Variants in INTS1 observed in about 807,000 individuals in gnomAD.
The protein encoded by INTS1 is integrator complex subunit 1.
Under a neutral mutation model 241.6 loss-of-function variants are expected in INTS1, and 137 were observed. That is an observed-to-expected ratio of 0.57 (90% CI 0.49 to 0.65). The LOEUF (loss-of-function observed/expected upper bound fraction) is 0.65. Ranked by LOEUF, INTS1 falls within the 30% of genes least tolerant of loss-of-function variation. The pLI, the probability that INTS1 is intolerant of heterozygous loss-of-function variation, is 0.00. For missense variants in INTS1, 3,073 were observed against 3,032.2 expected, an observed-to-expected ratio of 1.01 and a Z score of -0.32; for synonymous variants, 1,692 against 1,337.8, an observed-to-expected ratio of 1.26 and a Z score of -5.78.
At position 1,498,520 on chromosome 7, in the gene INTS1, G is replaced by A. The variant is rs1435124707; in HGVS notation, c.1317C>T (p.Gly439=). The change falls in exon 10 of 48, where the codon GGC becomes GGT. Residue 439 remains glycine (G), a synonymous_variant. Transcript: ENST00000404767. The part of the protein sequence containing the change: ...ELLSAHKDNL[G]TTIKLVIFNE... ...TGAAGATCACCAACTTGATGGTGGT[G>A]CCCAGGTTGTCCTTGTGCGCGCTCA... The A allele has an allele frequency of 1.2e-6, 2 of 1,613,758 alleles. No individual in the cohort carries two copies. Among genetic ancestry groups the A allele is most frequent in the Admixed American group, 1.7e-5 (1 of 60,000 alleles).
At chr7:1,503,546 G>A (rs1224622876) in intron 2 of INTS1, among the ~76,000 whole-genome samples, 1 of 152,224 alleles carries the variant, frequency 6.6e-6, no homozygotes, top group Non-Finnish European at 1.5e-5. Context: ...CACAGCAGGC[G>A]AGTGGCAAAG....
At position 1,479,676 on chromosome 7, in the gene INTS1, C is replaced by A; in HGVS notation, c.4083G>T (p.Pro1361=). 2 of 1,465,640 alleles carry A rather than the reference C, an allele frequency of 1.4e-6. No individual in the cohort carries two copies. Among genetic ancestry groups the A allele is most frequent in the Non-Finnish European group, 1.8e-6 (2 of 1,107,510 alleles). The allele number at this position is 1,465,640 out of a possible 1,614,324, so 90.8% of individuals were successfully genotyped here. A position where few individuals can be genotyped will look rare whatever the true frequency, so the allele number is the denominator to read the frequency against. The change falls in exon 31 of 48, where the codon CCG becomes CCT. Residue 1361 remains proline (P), a synonymous_variant. Transcript: ENST00000404767. ...DLAGMFLQIF[P]LSPDPRWQSS... ...TCTGCCACCGAGGGTCCGGGCTGAGCGGGAAAATCTGGAACGGGGAAGGCC... is the reference window on the plus strand; with the variant it reads ...TCTGCCACCGAGGGTCCGGGCTGAGAGGGAAAATCTGGAACGGGGAAGGCC...
intron 30 of INTS1, 49 bp from the exon 31 acceptor site, chr7:1,479,733 G>GGA: frequency 7.0e-7 from 1 of 1,433,396 alleles, no homozygotes. Flanking sequence ...AGAAGGAGGA[G>GGA]GAGCGCAGCG....
intron 3 of INTS1, 105 bp downstream of exon 3, chr7:1,502,796 C>G: frequency 7.9e-7 from 1 of 1,267,036 alleles, no homozygotes; most frequent in Non-Finnish European, 1.1e-6. Context: ...CCCAAAGGAC[C>G]TCGGCCATAC....
intron 42 of INTS1, 114 bp downstream of exon 42, chr7:1,473,452 C>A: frequency 1.5e-6 from 2 of 1,334,268 alleles, no homozygotes; most frequent in Non-Finnish European, 2.1e-6. Context: ...GCAGCCCTCC[C>A]CGGCCTCAGG....
At chr7:1,502,828 G>C in intron 3 of INTS1, 73 bp downstream of exon 3, 1 of 1,530,918 alleles carries the variant, frequency 6.5e-7, no homozygotes, top group South Asian at 1.2e-5. Context: ...GGCCTGGAGG[G>C]GGCCTTCCCT....
Position 1,487,946 on chromosome 7 carries a change from T to A in INTS1, c.2330A>T (p.Tyr777Phe). The change falls in exon 19 of 48, where the codon TAC becomes TTC. Residue 777 changes from tyrosine (Y) to phenylalanine (F), a missense_variant. Coordinates refer to ENST00000404767, the MANE Select transcript of INTS1 (RefSeq NM_001080453.3). ...MEMVMTNNYS[Y>F]PPCTLTDEET... is the part of the protein sequence containing the mutation. Reference sequence around the variant, plus strand: ...CTCATCCGTCAGGGTGCACGGTGGGTAGGAGTAGTTGCTAGGGCCAGACGG... The same window carrying A: ...CTCATCCGTCAGGGTGCACGGTGGGAAGGAGTAGTTGCTAGGGCCAGACGG... 1 of 1,613,048 alleles carries A rather than the reference T, an allele frequency of 6.2e-7. No homozygotes were observed. Among genetic ancestry groups the A allele is most frequent in the Non-Finnish European group, 8.5e-7 (1 of 1,179,772 alleles).
At chr7:1,471,348 C>A in intron 45 of INTS1, 124 bp from the exon 46 acceptor site, 1 of 1,101,224 alleles carries the variant, frequency 9.1e-7, no homozygotes, top group Admixed American at 2.1e-5. Context: ...ATCCAGAAGG[C>A]AGGACGCACG....
rs749933657 is a variant in INTS1, at chr7:1,487,372, A to T, written c.2594T>A (p.Leu865His). 32 of 1,610,342 alleles carry T rather than the reference A, an allele frequency of 2.0e-5. No homozygotes were observed. The highest frequency in any genetic ancestry group is 2.5e-5 in the Non-Finnish European group (29 of 1,178,750). Reference protein sequence around the residue: ...SLNQSLRLGHLLCRSRNPDFL... With the variant: ...SLNQSLRLGHHLCRSRNPDFL... The stretch of plus-strand genomic sequence containing the variant: ...GTCAGGGTTTCGGCTGCGGCACAAG[A>T]GGTGCCCGAGGCGGAGGGACTGGTT... Residue 865 changes from leucine (L) to histidine (H), a missense_variant, in exon 20 of 48, where the codon CTC becomes CAC. By Grantham distance (99) the Leu-to-His change is moderately conservative. Coordinates refer to ENST00000404767, the MANE Select transcript of INTS1 (RefSeq NM_001080453.3).
intron 13 of INTS1, 133 bp from the exon 14 acceptor site, chr7:1,495,026 C>G: frequency 1.0e-6 from 1 of 995,098 alleles, no homozygotes; most frequent in Non-Finnish European, 1.5e-6. Flanking sequence ...CCAAGCTCAG[C>G]ACCTCCTCAC....
At chr7:1,483,929 C>A in intron 25 of INTS1, 74 bp downstream of exon 25, 3 of 1,582,802 alleles carry the variant, frequency 1.9e-6, no homozygotes, top group Non-Finnish European at 2.6e-6. Context: ...CAGCTGGCAC[C>A]GAGCGTGCCG....
chr7:1,496,629 G>A (rs551833558), intron 11 of INTS1, among the ~76,000 whole-genome samples: 49 of 152,254 alleles, frequency 3.2e-4, no homozygotes, highest in Admixed American at 2.5e-3. Context: ...CACCAGGGCC[G>A]GTGGCCCACA....
Position 1,494,969 on chromosome 7 carries a change from C to A in INTS1, c.1833-76G>T, listed in dbSNP as rs1228738269. The stretch of plus-strand genomic sequence containing the variant: ...AGCCCCGTTAGTTCCAGGGAAGGGA[C>A]CCCGCTCCCACGGGCCCCAGCGCTC... On this transcript the variant is annotated intron_variant, in intron 13 of 47. Transcript: ENST00000404767. 9 of 1,513,140 alleles carry A rather than the reference C, an allele frequency of 5.9e-6. No homozygotes were observed. The East Asian group carries it at 2.2e-4, about 37-fold the overall frequency. The allele number at this position is 1,513,140 out of a possible 1,614,324, so 93.7% of individuals were successfully genotyped here.
chr7:1,490,263 C>T (rs576946776), intron 16 of INTS1, among the ~76,000 whole-genome samples: 73 of 152,194 alleles, frequency 4.8e-4, no homozygotes, highest in Non-Finnish European at 7.6e-4. Context: ...GAAGTGCGTC[C>T]GACCAAAACT....
At position 1,503,060 on chromosome 7, in the gene INTS1, C is replaced by T. The variant is rs752501215; in HGVS notation, c.190G>A (p.Ala64Thr). The part of the protein sequence containing the change: ...PSERKRDAAA[A>T]LSSASALTGL... ...GTGAGGGCCGAGGCACTGGACAACGCGGCCGCCGCATCCCGCTTGCGCTCA... is the reference window on the plus strand; with the variant it reads ...GTGAGGGCCGAGGCACTGGACAACGTGGCCGCCGCATCCCGCTTGCGCTCA... Residue 64 changes from alanine (A) to threonine (T), a missense_variant, in exon 3 of 48, where the codon GCG (alanine) becomes ACG (threonine). By Grantham distance (58) the Ala-to-Thr change is moderately conservative. Transcript: ENST00000404767. The T allele has an allele frequency of 1.2e-5, 19 of 1,613,166 alleles. No homozygotes were observed. The highest frequency in any genetic ancestry group is 9.9e-5 in the South Asian group (9 of 91,066).
At chr7:1,478,690 C>A (rs763958374) in intron 32 of INTS1, 36 bp downstream of exon 32, 39 of 1,516,888 alleles carry the variant, frequency 2.6e-5, no homozygotes, top group Non-Finnish European at 2.5e-5. Context: ...CTGTCCAGTG[C>A]CCCCCAGCCG....
chr7:1,486,512 G>C, intron 22 of INTS1, 113 bp downstream of exon 22: 1 of 1,220,826 alleles, frequency 8.2e-7, no homozygotes, highest in East Asian at 2.6e-5. Flanking sequence ...TAATCTGCCT[G>C]CCTTGGCCTC....
rs1364398473 is a variant in INTS1 at position 1,475,971 on chromosome 7, C to T, written c.5479G>A (p.Ala1827Thr). 3.2e-6 allele frequency: 5 copies of T among 1,543,192 alleles called. No homozygotes were observed. Among genetic ancestry groups the T allele is most frequent in the Non-Finnish European group, 4.4e-6 (5 of 1,146,232 alleles). Residue 1827 changes from alanine to threonine, a missense_variant, in exon 39 of 48, where the codon GCT becomes ACT. Ala to Thr is a moderately conservative substitution (Grantham distance 58). Coordinates refer to ENST00000404767, the MANE Select transcript of INTS1 (RefSeq NM_001080453.3). The stretch of plus-strand genomic sequence containing the variant: ...ACCTTGCAGACGCTGCTGCTGGCAG[C>T]CCCTTCGCTGTGCAGTAGGACCTCA... The part of the protein sequence containing the change: ...VPEVLLHSEG[A>T]ASSSVCKLDG...
At chr7:1,478,614 AC>A in intron 32 of INTS1, 108 bp from the exon 33 acceptor site, 1 of 1,492,488 alleles carries the variant, frequency 6.7e-7, no homozygotes. Flanking sequence ...CCACGCGGGT[AC>A]CCACCCCCCA....
Sources: gnomAD v4.1 joint callset for allele counts (sites outside exome capture counted in the v4.1 genomes callset) on GRCh38, gnomAD v4.1.1 for gene constraint, MANE v1.5 for transcripts, NCBI Gene and HGNC (gene_info 2026-07-23, HGNC 2026-07-21) for gene names.